The following SLC35F3 variants were observed in gnomAD, a reference collection of about 807,000 sequenced individuals.
The protein encoded by SLC35F3 is solute carrier family 35 member F3, also known as putative thiamine transporter SLC35F3.
In SLC35F3, 25 loss-of-function variants were observed where a neutral mutation model predicts 49.9. The observed-to-expected ratio is 0.50, with a 90% CI of 0.37 to 0.70. The LOEUF (loss-of-function observed/expected upper bound fraction) is 0.70. Ranked by LOEUF, SLC35F3 falls within the 30% of genes least tolerant of loss-of-function variation. The pLI, the probability that SLC35F3 is intolerant of heterozygous loss-of-function variation, is 0.00. For missense variants in SLC35F3, 525 were observed against 639.8 expected (o/e 0.82, Z 1.94); for synonymous variants, 275 against 265.4 (o/e 1.04, Z -0.35).
intron 2 of SLC35F3, among the ~76,000 whole-genome samples, chr1:234,090,543 A>C (rs1665026949): frequency 6.6e-6 from 1 of 152,230 alleles, no homozygotes; most frequent in African/African-American, 2.4e-5. Flanking sequence ...CATGGTCTAA[A>C]GTATGGGGAA....
chr1:233,973,803 G>C (rs1005165734), intron 2 of SLC35F3, among the ~76,000 whole-genome samples: 1 of 152,136 alleles, frequency 6.6e-6, no homozygotes, highest in Non-Finnish European at 1.5e-5. Context: ...ATTGTGAACA[G>C]GTTCAGCTTT....
At chr1:234,069,059 TTATAA>T (rs1225981592) in intron 2 of SLC35F3, among the ~76,000 whole-genome samples, 2 of 91,580 alleles carry the variant, frequency 2.2e-5, no homozygotes, top group Non-Finnish European at 4.2e-5. Flanking sequence ...ATAATATATA[TTATAA>T]TATATATTAT....
chr1:234,100,353 T>C (rs964576486), intron 2 of SLC35F3, among the ~76,000 whole-genome samples: 4 of 152,208 alleles, frequency 2.6e-5, no homozygotes, highest in African/African-American at 9.7e-5. Context: ...ATAACAGTTA[T>C]ATTATTATTT....
intron 2 of SLC35F3, among the ~76,000 whole-genome samples, chr1:234,085,182 A>G (rs1180476508): frequency 6.6e-6 from 1 of 152,190 alleles, no homozygotes; most frequent in African/African-American, 2.4e-5. Flanking sequence ...AAGAGCCTCA[A>G]TTTTGTGCTT....
chr1:234,074,191 G>A (rs144557080), intron 2 of SLC35F3, among the ~76,000 whole-genome samples: 14 of 152,200 alleles, frequency 9.2e-5, no homozygotes, highest in South Asian at 2.1e-4. Context: ...TAAAATGTAC[G>A]TCAAGGTCAC....
intron 3 of SLC35F3, among the ~76,000 whole-genome samples, chr1:234,251,755 G>A (rs1054185192): frequency 6.6e-6 from 1 of 152,044 alleles, no homozygotes; most frequent in African/African-American, 2.4e-5. Context: ...AAAGCAATGT[G>A]GTACTGGTAC....
At chr1:234,076,040 G>C (rs951495585) in intron 2 of SLC35F3, among the ~76,000 whole-genome samples, 1 of 152,092 alleles carries the variant, frequency 6.6e-6, no homozygotes, top group Admixed American at 6.5e-5. Flanking sequence ...ATTTTCTTCT[G>C]GGTATGTTCT....
At chr1:234,044,361 T>C (rs573618376) in intron 2 of SLC35F3, among the ~76,000 whole-genome samples, 2 of 152,350 alleles carry the variant, frequency 1.3e-5, no homozygotes, top group African/African-American at 4.8e-5. Context: ...TGGGCTAGAT[T>C]GATACTTGAA....
intron 2 of SLC35F3, among the ~76,000 whole-genome samples, chr1:233,974,777 A>C (rs1043484462): frequency 2.0e-5 from 3 of 152,182 alleles, no homozygotes; most frequent in African/African-American, 7.2e-5. Context: ...AGTTTTGTTC[A>C]TTTTTTGTCC....
chr1:234,285,453 C>T, intron 3 of SLC35F3: 1 of 411,444 alleles, frequency 2.4e-6, no homozygotes, highest in Non-Finnish European at 4.8e-6. Context: ...TCTGATTCAG[C>T]AAGTTGCAAC....
At chr1:234,246,607 G>T (rs555367339) in intron 3 of SLC35F3, among the ~76,000 whole-genome samples, 29 of 152,312 alleles carry the variant, frequency 1.9e-4, no homozygotes, top group African/African-American at 6.7e-4. Flanking sequence ...TTCTGAATAG[G>T]TGAAGTATTT....
intron 2 of SLC35F3, among the ~76,000 whole-genome samples, chr1:233,931,713 A>G (rs1352486297): frequency 2.0e-5 from 3 of 152,260 alleles, no homozygotes; most frequent in Non-Finnish European, 4.4e-5. Flanking sequence ...AACTAGTTCA[A>G]CCATTGTGGA....
chr1:233,964,766 C>A (rs760573359), intron 2 of SLC35F3, among the ~76,000 whole-genome samples: 4 of 152,150 alleles, frequency 2.6e-5, no homozygotes, highest in Non-Finnish European at 4.4e-5. Context: ...GCACCTATGC[C>A]ATGCTGATGA....
intron 7 of SLC35F3, among the ~76,000 whole-genome samples, chr1:234,321,750 G>C (rs890288892): frequency 8.5e-5 from 13 of 152,172 alleles, no homozygotes; most frequent in African/African-American, 3.1e-4. Flanking sequence ...AGAGAAGCCG[G>C]GGACCCTGCC....
chr1:234,248,192 C>G (rs1437796193), intron 3 of SLC35F3, among the ~76,000 whole-genome samples: 1 of 151,286 alleles, frequency 6.6e-6, no homozygotes, highest in African/African-American at 2.4e-5. Flanking sequence ...GGTCAGTTGG[C>G]TGGTCCATTG....
At chr1:234,274,518 TTG>T (rs1270517563) in intron 3 of SLC35F3, 1 of 152,190 alleles carries the variant, frequency 6.6e-6, no homozygotes, top group African/African-American at 2.4e-5. Context: ...ACATAATCAA[TTG>T]TCAAGTGGGA....
At chr1:234,175,544 T>G (rs1666463245) in intron 2 of SLC35F3, among the ~76,000 whole-genome samples, 2 of 151,466 alleles carry the variant, frequency 1.3e-5, no homozygotes, top group Admixed American at 6.6e-5. Flanking sequence ...ATGCCTTTAG[T>G]CCCAGCTATG....
rs890549318 is a variant in SLC35F3 at position 234,087,872 on chromosome 1, A to G, written c.284-143545A>G. ...CCCTGCCTCAAAACTTTAGCACAAC[A>G]TTCTTCTGCCTGCACTGCACCTGCC... On this transcript the variant is annotated intron_variant, in intron 2 of 7. Transcript: ENST00000366618. Among the ~76,000 whole-genome samples, 5 of 152,130 alleles carry G rather than the reference A, an allele frequency of 3.3e-5. No homozygotes were observed. In the East Asian group the frequency reaches 5.8e-4, roughly 18 times the overall value.
chr1:234,004,931 C>A (rs1278855945), intron 2 of SLC35F3, among the ~76,000 whole-genome samples: 1 of 151,996 alleles, frequency 6.6e-6, no homozygotes, highest in Non-Finnish European at 1.5e-5. Flanking sequence ...GATGGAAATT[C>A]ATTAATCATA....
Sources: gnomAD v4.1 joint callset for allele counts (sites outside exome capture counted in the v4.1 genomes callset) on GRCh38, gnomAD v4.1.1 for gene constraint, MANE v1.5 for transcripts, NCBI Gene and HGNC (gene_info 2026-07-23, HGNC 2026-07-21) for gene names.